The following PC variants were observed in gnomAD, a reference collection of about 807,000 sequenced individuals.
PC encodes pyruvate carboxylase, mitochondrial.
PC carries 46 observed loss-of-function variants against 107.8 expected under a neutral mutation model. The ratio of observed to expected loss-of-function variants is 0.43; its 90% CI spans 0.34 to 0.55. The LOEUF (loss-of-function observed/expected upper bound fraction) is 0.55, where lower values mean the gene tolerates loss of function less well. Ranked by LOEUF, PC falls within the 20% of genes least tolerant of loss-of-function variation. The pLI is 0.04. For synonymous variants in PC, 662 were observed against 684.7 expected (o/e 0.97, Z 0.52); for missense variants, 1,241 against 1,643.1 (o/e 0.76, Z 4.23).
Position 66,868,980 on chromosome 11 carries a change from C to T in PC, c.904-16G>A, listed in dbSNP as rs189690730. On this transcript the variant is annotated splice_polypyrimidine_tract_variant and intron_variant, in intron 9 of 22. Transcript: ENST00000393960. ...CGTAGCCCACCTGTGGGGGCGGCCA[C>T]GTGAGCAGGGGAGGGCACAGGCAGG... 2.1e-5 allele frequency: 34 copies of T among 1,596,322 alleles called. No individual in the cohort carries two copies. The highest frequency in any genetic ancestry group is 1.0e-4 in the Admixed American group (6 of 59,994).
At chr11:66,874,876 G>A (rs762363203) in intron 3 of PC, among the ~76,000 whole-genome samples, 1 of 152,212 alleles carries the variant, frequency 6.6e-6, no homozygotes, top group Non-Finnish European at 1.5e-5. Flanking sequence ...ATTAGAAAAG[G>A]CCTCTCTGAG....
Position 66,870,153 on chromosome 11 carries a change from G to GC in PC, c.903+148dup. The GC allele has an allele frequency of 2.1e-6, 2 of 967,482 alleles. No homozygotes were observed. Among genetic ancestry groups the GC allele is most frequent in the Non-Finnish European group, 3.1e-6 (2 of 636,318 alleles). The allele number at this position is 967,482 out of a possible 1,614,324, so 59.9% of individuals were successfully genotyped here. On this transcript the variant is annotated intron_variant, in intron 9 of 22. Transcript: ENST00000393960. This position sits in a 1 kb window ranked among gnomAD's most constrained non-coding sequence, Gnocchi z 6.1. ...GAAGGATGCCACAAACCCACTTCTG[G>GC]CCCCCAGGAGAGTCCTTCACCCTCT... is the stretch of plus-strand genomic sequence containing the variant.
chr11:66,876,118 C>T (rs1317011453), intron 3 of PC, among the ~76,000 whole-genome samples: 3 of 152,136 alleles, frequency 2.0e-5, no homozygotes, highest in Admixed American at 6.5e-5. Flanking sequence ...GGATTGGATC[C>T]GGGTTTCTAT....
rs376456123 is a variant in PC at position 66,859,527 on chromosome 11, C to T, written c.1368+4247G>A. On this transcript the variant is annotated intron_variant, in intron 12 of 22. Coordinates refer to ENST00000393960, the MANE Select transcript of PC (RefSeq NM_001040716.2). The stretch of plus-strand genomic sequence containing the variant: ...CACCTTCCTGAGTGAACCCAAGAGC[C>T]CGAGTGGCCCCAGGGGGAGGGGTGT... The T allele has an allele frequency of 2.4e-4, 374 of 1,543,662 alleles. 2 individuals are homozygous for T. In the East Asian group the frequency reaches 6.4e-3, roughly 27 times the overall value.
intron 3 of PC, among the ~76,000 whole-genome samples, chr11:66,925,497 A>T (rs1234247453): frequency 6.6e-6 from 1 of 152,246 alleles, no homozygotes; most frequent in Non-Finnish European, 1.5e-5. Flanking sequence ...GCTCACCGGC[A>T]GTCAGAGCTT....
At chr11:66,927,723 C>CAAAA (rs568408958) in intron 3 of PC, among the ~76,000 whole-genome samples, 1 of 96,088 alleles carries the variant, frequency 1.0e-5, no homozygotes, top group Non-Finnish European at 2.2e-5. Flanking sequence ...AAGTCCGTCT[C>CAAAA]AAAAAAAAAA....
intron 3 of PC, among the ~76,000 whole-genome samples, chr11:66,878,746 G>A (rs902792413): frequency 3.3e-5 from 5 of 152,200 alleles, no homozygotes; most frequent in African/African-American, 9.6e-5. Context: ...CCCGGGGCAC[G>A]GGAGCTCTTT....
At chr11:66,939,640 A>T (rs940834289) in intron 3 of PC, among the ~76,000 whole-genome samples, 3 of 152,060 alleles carry the variant, frequency 2.0e-5, no homozygotes, top group African/African-American at 7.2e-5. Flanking sequence ...CCCCGTCTCT[A>T]CTAAAAATAC....
At chr11:66,873,316 T>A (rs1946812983) in intron 3 of PC, among the ~76,000 whole-genome samples, 1 of 136,736 alleles carries the variant, frequency 7.3e-6, no homozygotes, top group South Asian at 2.2e-4. Context: ...CCAGTCTGGG[T>A]GACACAGCAA....
At chr11:66,912,481 G>A (rs764151970) in intron 3 of PC, among the ~76,000 whole-genome samples, 2 of 152,204 alleles carry the variant, frequency 1.3e-5, no homozygotes, top group African/African-American at 2.4e-5. Context: ...AAGAGGCAGC[G>A]AGGTGAGCGG....
intron 3 of PC, among the ~76,000 whole-genome samples, chr11:66,942,784 G>A (rs941591468): frequency 1.4e-4 from 22 of 151,882 alleles, no homozygotes; most frequent in African/African-American, 4.8e-4. Flanking sequence ...AGGCCGAGGC[G>A]GGCGGATCAC....
chr11:66,859,227 T>C (rs564923546), intron 12 of PC: 7 of 1,223,044 alleles, frequency 5.7e-6, no homozygotes, highest in Non-Finnish European at 7.6e-6. Flanking sequence ...TGCTGGACTC[T>C]TGGAGGAGCA....
chr11:66,852,421 C>T lies in PC; in HGVS notation c.1825+18G>A, dbSNP rs541659826. On this transcript the variant is annotated intron_variant, in intron 15 of 22. Coordinates refer to ENST00000393960, the MANE Select transcript of PC (RefSeq NM_001040716.2). The surrounding 1 kb of genome is among the most constrained non-coding windows in gnomAD (Gnocchi z 4.7). Reference sequence around the variant, plus strand: ...GGGCGCCCATTCCTACCAGGCGCTGCGCAGCATGCCAGCCTACCTCCCCAG... The same window carrying T: ...GGGCGCCCATTCCTACCAGGCGCTGTGCAGCATGCCAGCCTACCTCCCCAG... The T allele has an allele frequency of 5.4e-5, 86 of 1,602,668 alleles. No homozygotes were observed. Among genetic ancestry groups the T allele is most frequent in the Non-Finnish European group, 6.9e-5 (81 of 1,169,956 alleles).
chr11:66,898,659 G>A (rs1285059218), intron 3 of PC, among the ~76,000 whole-genome samples: 5 of 152,074 alleles, frequency 3.3e-5, no homozygotes, highest in East Asian at 1.9e-4. Flanking sequence ...CAGCCTGGGC[G>A]ACAGAGCAAG....
chr11:66,890,851 G>T (rs1482901284), intron 3 of PC, among the ~76,000 whole-genome samples: 2 of 151,942 alleles, frequency 1.3e-5, no homozygotes, highest in African/African-American at 4.8e-5. Context: ...TGTATAGGCT[G>T]ACAAAATGAT....
In PC at chr11:66,945,457, G is replaced by A. The variant is rs973320477; in HGVS notation, c.-1+6973C>T. ...GGAACTGCAGAGTTACATGAGATGA[G>A]AAGAGGAAGACATTAGTAATGTGAT... On this transcript the variant is annotated intron_variant, in intron 3 of 22. Transcript: ENST00000393960. Among the ~76,000 whole-genome samples the A allele has an allele frequency of 3.7e-4, 40 of 108,052 alleles. 12 individuals carry two copies. The highest frequency in any genetic ancestry group is 1.3e-3 in the African/African-American group (38 of 30,130). The allele number at this position is 108,052 out of a possible 152,430, so 70.9% of individuals were successfully genotyped here.
At chr11:66,908,092 A>G (rs1392480217) in intron 3 of PC, among the ~76,000 whole-genome samples, 2 of 151,802 alleles carry the variant, frequency 1.3e-5, no homozygotes, top group East Asian at 1.9e-4. Context: ...GGCGGTCAAA[A>G]GCCACTGCTC....
chr11:66,939,762 C>T (rs578249250), intron 3 of PC, among the ~76,000 whole-genome samples: 2 of 140,380 alleles, frequency 1.4e-5, no homozygotes, highest in African/African-American at 5.4e-5. Context: ...CGAGATCGTG[C>T]CATTGCACTC....
chr11:66,949,316 TAA>T (rs1389508337), intron 3 of PC, among the ~76,000 whole-genome samples: 7 of 152,132 alleles, frequency 4.6e-5, no homozygotes, highest in African/African-American at 7.2e-5. Flanking sequence ...TTAAAATAGT[TAA>T]CTGAAGTTGA....
Sources: allele counts gnomAD v4.1 joint callset (sites outside exome capture counted in the v4.1 genomes callset), GRCh38; gene constraint gnomAD v4.1.1; non-coding constraint Gnocchi (gnomAD v3.1); transcripts MANE v1.5; gene names NCBI Gene and HGNC (gene_info 2026-07-23, HGNC 2026-07-21).